The following TPCN2 variants were observed in gnomAD, a reference collection of about 807,000 sequenced individuals.
TPCN2 encodes two pore channel protein 2.
TPCN2 carries 92 observed loss-of-function variants against 111.4 expected under a neutral mutation model. The observed-to-expected ratio is 0.83, with a 90% CI of 0.70 to 0.98. The LOEUF (loss-of-function observed/expected upper bound fraction) is 0.98. Ranked by LOEUF, TPCN2 falls within the 50% of genes least tolerant of loss-of-function variation. The pLI, the probability that TPCN2 is intolerant of heterozygous loss-of-function variation, is 0.00. For missense variants in TPCN2, 995 were observed against 980.1 expected, an observed-to-expected ratio of 1.02 and a Z score of -0.20; for synonymous variants, 405 against 414.5, an observed-to-expected ratio of 0.98 and a Z score of 0.28.
At chr11:69,066,403 T>C (rs1364465245) in intron 7 of TPCN2, among the ~76,000 whole-genome samples, 2 of 152,172 alleles carry the variant, frequency 1.3e-5, no homozygotes, top group South Asian at 2.1e-4. Flanking sequence ...CTGACAGCGC[T>C]CCCTGCCTTC....
intron 7 of TPCN2, among the ~76,000 whole-genome samples, 177 bp downstream of exon 7, chr11:69,064,144 C>T (rs1278898752): frequency 6.6e-6 from 1 of 152,088 alleles, no homozygotes; most frequent in Non-Finnish European, 1.5e-5. Flanking sequence ...TGCTCCACCA[C>T]CCCACTGCCC....
chr11:69,049,425 C>T (rs1401064873), intron 1 of TPCN2, among the ~76,000 whole-genome samples: 1 of 152,246 alleles, frequency 6.6e-6, no homozygotes, highest in African/African-American at 2.4e-5. Context: ...CAGGCACCCT[C>T]CGTGTGCCCG....
rs114455072 is a variant in TPCN2 at position 69,048,976 on chromosome 11, G to A, written c.-22G>A. 1.5e-3 allele frequency: 1,836 copies of A among 1,226,110 alleles called. 21 individuals are homozygous for A. The African/African-American group carries it at 0.024, about 16-fold the overall frequency. 76.0% of individuals were successfully genotyped at this position (1,226,110 alleles called of 1,614,324 possible). On this transcript the variant is annotated 5_prime_UTR_variant, in exon 1 of 25. Coordinates refer to ENST00000294309, the MANE Select transcript of TPCN2 (RefSeq NM_139075.4). ...TCGGGGCTTGAGCTTCTGAGGGTCG[G>A]GTCCAGCGCGTGGGCTGCTGGATGG... is the stretch of plus-strand genomic sequence containing the variant.
Position 69,089,274 on chromosome 11 carries a change from A to G in TPCN2, c.*1321A>G, listed in dbSNP as rs1856376771. 6.6e-6 allele frequency: 1 copy of G among 152,022 alleles called. No individual in the cohort carries two copies. The highest frequency in any genetic ancestry group is 1.5e-5 in the Non-Finnish European group (1 of 67,996). The allele number at this position is 152,022 out of a possible 1,614,324, so 9.4% of individuals were successfully genotyped here. A position where few individuals can be genotyped will look rare whatever the true frequency, so the allele number is the denominator to read the frequency against. On this transcript the variant is annotated 3_prime_UTR_variant, in exon 25 of 25. Coordinates refer to ENST00000294309, the MANE Select transcript of TPCN2 (RefSeq NM_139075.4). ...AATAACAATAACAATAACAATATGGAAACCACCGCAAACTTGGAGAAAAGT... is the reference window on the plus strand; with the variant it reads ...AATAACAATAACAATAACAATATGGGAACCACCGCAAACTTGGAGAAAAGT...
At chr11:69,054,669 G>A (rs374585888) in intron 2 of TPCN2, 52 bp from the exon 3 acceptor site, 37 of 1,567,764 alleles carry the variant, frequency 2.4e-5, no homozygotes, top group Non-Finnish European at 2.9e-5. Flanking sequence ...CTCGGGTCAC[G>A]GCCCACCCTG....
At chr11:69,053,165 A>G (rs915847623) in intron 1 of TPCN2, among the ~76,000 whole-genome samples, 1 of 152,194 alleles carries the variant, frequency 6.6e-6, no homozygotes, top group African/African-American at 2.4e-5. Context: ...CTTTTCCTGA[A>G]GGCCCCTCCT....
chr11:69,064,511 G>T (rs1287498282), intron 7 of TPCN2, among the ~76,000 whole-genome samples: 1 of 152,184 alleles, frequency 6.6e-6, no homozygotes, highest in East Asian at 1.9e-4. Flanking sequence ...CTCTGCGGCT[G>T]CCCCGGGGCC....
At position 69,072,131 on chromosome 11, in the gene TPCN2, C is replaced by T. The variant is rs1364045579; in HGVS notation, c.1061+108C>T. ...TCTTGTGCTTGGCCTGTGCCTCGCC[C>T]CTGCTGGCTGGCACCCGACTCATGG... On this transcript the variant is annotated intron_variant, in intron 11 of 24. Coordinates refer to ENST00000294309, the MANE Select transcript of TPCN2 (RefSeq NM_139075.4). The T allele has an allele frequency of 6.5e-6, 6 of 927,240 alleles. No homozygotes were observed. The East Asian group carries it at 1.3e-4, about 20-fold the overall frequency. 57.4% of individuals were successfully genotyped at this position (927,240 alleles called of 1,614,324 possible). A position where few individuals can be genotyped will look rare whatever the true frequency, so the allele number is the denominator to read the frequency against.
chr11:69,063,082 A>G, intron 6 of TPCN2, 92 bp downstream of exon 6: 2 of 1,122,684 alleles, frequency 1.8e-6, no homozygotes, highest in Non-Finnish European at 1.3e-6. Flanking sequence ...CCGGAGTCTC[A>G]TCTTGGACTG....
chr11:69,081,776 G>T (rs1856022400), intron 18 of TPCN2, among the ~76,000 whole-genome samples: 2 of 152,120 alleles, frequency 1.3e-5, no homozygotes, highest in African/African-American at 4.8e-5. Context: ...GCTCCTTGGG[G>T]CTGGAGCCCT....
chr11:69,085,296 G>A lies in TPCN2; in HGVS notation c.1838+10G>A, dbSNP rs773425177. The A allele has an allele frequency of 3.7e-6, 6 of 1,613,706 alleles. No homozygotes were observed. The highest frequency in any genetic ancestry group is 5.1e-6 in the Non-Finnish European group (6 of 1,179,718). ...TTCCTGGAAACAGCAGGTGAGGTGG[G>A]GTCCGAGGTGCCACAGGGAGTGTCT... On this transcript the variant is annotated intron_variant, in intron 20 of 24. Transcript: ENST00000294309.
intron 1 of TPCN2, among the ~76,000 whole-genome samples, chr11:69,053,207 C>A (rs184405936): frequency 1.1e-3 from 162 of 152,370 alleles, no homozygotes; most frequent in Non-Finnish European, 1.7e-3. Context: ...TTGCCCAGGC[C>A]TGCCGGGAGG....
intron 24 of TPCN2, 45 bp from the exon 25 acceptor site, chr11:69,087,830 C>T (rs376787058): frequency 5.2e-6 from 8 of 1,535,090 alleles, no homozygotes; most frequent in Non-Finnish European, 6.3e-6. Flanking sequence ...GCCAGGGTCT[C>T]CCTCCTTTAG....
chr11:69,081,768 T>C (rs573160105), intron 18 of TPCN2, among the ~76,000 whole-genome samples: 25 of 152,088 alleles, frequency 1.6e-4, no homozygotes, highest in African/African-American at 5.1e-4. Flanking sequence ...TGGCAGGAGC[T>C]CCTTGGGGCT....
Position 69,089,758 on chromosome 11 carries a change from C to T in TPCN2, c.*1805C>T, listed in dbSNP as rs1271201030. On this transcript the variant is annotated 3_prime_UTR_variant, in exon 25 of 25. Transcript: ENST00000294309. ...TGTGAAGCGATGCCAATATCCCATC[C>T]CTGTCAAACTGCCTTTACTTTTTCC... The T allele has an allele frequency of 6.6e-6, 1 of 152,274 alleles. No individual in the cohort carries two copies. Among genetic ancestry groups the T allele is most frequent in the Non-Finnish European group, 1.5e-5 (1 of 68,094 alleles). The allele number at this position is 152,274 out of a possible 1,614,324, so 9.4% of individuals were successfully genotyped here. A position where few individuals can be genotyped will look rare whatever the true frequency, so the allele number is the denominator to read the frequency against.
Position 69,054,432 on chromosome 11 carries a change from G to C in TPCN2, c.175-289G>C, listed in dbSNP as rs1261171363. On this transcript the variant is annotated intron_variant, in intron 2 of 24. Coordinates refer to ENST00000294309, the MANE Select transcript of TPCN2 (RefSeq NM_139075.4). ...CCTTGCACAGAGAAGAGAGAGCCTC[G>C]CAGGCAGACACGGGCACAGCTGTGC... 5.4e-6 allele frequency: 3 copies of C among 560,438 alleles called. No individual in the cohort carries two copies. The South Asian group carries it at 6.4e-5, about 12-fold the overall frequency. The allele number at this position is 560,438 out of a possible 1,614,324, so 34.7% of individuals were successfully genotyped here. A position where few individuals can be genotyped will look rare whatever the true frequency, so the allele number is the denominator to read the frequency against.
At chr11:69,051,443 T>C (rs1001715397) in intron 1 of TPCN2, among the ~76,000 whole-genome samples, 3 of 152,176 alleles carry the variant, frequency 2.0e-5, no homozygotes, top group Admixed American at 1.3e-4. Context: ...TGGGGGTCCA[T>C]GAGGACCTGG....
intron 5 of TPCN2, among the ~76,000 whole-genome samples, chr11:69,058,706 C>T (rs1052491121): frequency 2.0e-5 from 3 of 152,206 alleles, no homozygotes; most frequent in African/African-American, 7.2e-5. Flanking sequence ...GGAGGGCAGC[C>T]CCGCTGTGCT....
At chr11:69,060,682 T>G (rs1854981761) in intron 5 of TPCN2, among the ~76,000 whole-genome samples, 1 of 152,138 alleles carries the variant, frequency 6.6e-6, no homozygotes, top group South Asian at 2.1e-4. Flanking sequence ...CAGGTTGGGC[T>G]CTTGTGTCTG....
Sources: gnomAD v4.1 joint callset for allele counts (sites outside exome capture counted in the v4.1 genomes callset) on GRCh38, gnomAD v4.1.1 for gene constraint, MANE v1.5 for transcripts, NCBI Gene and HGNC (gene_info 2026-07-23, HGNC 2026-07-21) for gene names.